AOPEP: variants seen among roughly 807,000 people sequenced by gnomAD.
AOPEP encodes aminopeptidase O (putative).
AOPEP carries 77 observed loss-of-function variants against 98.1 expected under a neutral mutation model. The observed-to-expected ratio is 0.78, with a 90% confidence interval of 0.65 to 0.95. The LOEUF is 0.95. Ranked by LOEUF, AOPEP falls within the 40% of genes least tolerant of loss-of-function variation. The pLI, the probability that AOPEP is intolerant of heterozygous loss-of-function variation, is 0.00. For synonymous variants in AOPEP, 346 were observed against 365.3 expected (o/e 0.95, Z 0.60); for missense variants, 1,024 against 1,024.7 (o/e 1.00, Z 0.01).
chr9:94,944,002 C>A (rs905886459), intron 7 of AOPEP, among the ~76,000 whole-genome samples: 2 of 149,950 alleles, frequency 1.3e-5, no homozygotes. Context: ...GGCCAATGAG[C>A]ACATAAGATA....
At chr9:95,108,690 T>G in the AOPEP span, among the ~76,000 whole-genome samples, 1 of 152,186 alleles carries the variant, frequency 6.6e-6, no homozygotes, top group East Asian at 1.9e-4. Flanking sequence ...CTATGGAAAA[T>G]TTGAAAAGAG....
At chr9:95,005,669 C>A in intron 13 of AOPEP, 53 bp downstream of exon 13, 1 of 1,413,882 alleles carries the variant, frequency 7.1e-7, no homozygotes, top group Non-Finnish European at 1.0e-6. Context: ...TCCGCTTCTG[C>A]CCCGTGAGGA....
chr9:94,800,680 C>G, intron 4 of AOPEP, 77 bp from the exon 5 acceptor site: 2 of 1,517,890 alleles, frequency 1.3e-6, no homozygotes, highest in Non-Finnish European at 1.8e-6. Flanking sequence ...TAAAAGTTGT[C>G]TACATCTGCA....
intron 3 of AOPEP, among the ~76,000 whole-genome samples, chr9:94,777,333 G>A (rs1375595644): frequency 6.6e-6 from 1 of 151,854 alleles, no homozygotes; most frequent in Non-Finnish European, 1.5e-5. Context: ...TCCGGAGGCT[G>A]AGGCAGGAGA....
At chr9:95,081,592 A>G (rs1204840509) in intron 15 of AOPEP, among the ~76,000 whole-genome samples, 5 of 152,198 alleles carry the variant, frequency 3.3e-5, no homozygotes, top group African/African-American at 1.2e-4. Context: ...AGAAAAGTAC[A>G]TGCCTTTGTA....
the AOPEP span, chr9:95,101,650 T>C: frequency 6.2e-7 from 1 of 1,608,198 alleles, no homozygotes; most frequent in Admixed American, 1.7e-5. Flanking sequence ...TCACCTGTCC[T>C]GTGGCCCTGG....
At chr9:94,892,949 T>A (rs1564334550) in intron 5 of AOPEP, among the ~76,000 whole-genome samples, 1 of 152,188 alleles carries the variant, frequency 6.6e-6, no homozygotes, top group African/African-American at 2.4e-5. Context: ...CACTTCAGCC[T>A]CCCAAAGTGC....
intron 5 of AOPEP, among the ~76,000 whole-genome samples, chr9:94,813,774 A>G (rs1851128065): frequency 6.6e-6 from 1 of 152,220 alleles, no homozygotes; most frequent in Non-Finnish European, 1.5e-5. Flanking sequence ...TGAGCTGCAG[A>G]AATGGGTTGG....
At chr9:94,874,882 G>C (rs530222702) in intron 5 of AOPEP, among the ~76,000 whole-genome samples, 1 of 152,220 alleles carries the variant, frequency 6.6e-6, no homozygotes, top group Non-Finnish European at 1.5e-5. Flanking sequence ...ATTTTAATCA[G>C]TATTTCCTTA....
the AOPEP span, among the ~76,000 whole-genome samples, chr9:95,130,297 TGTGA>T: frequency 8.8e-5 from 13 of 147,592 alleles, no homozygotes; most frequent in Admixed American, 4.7e-4. Context: ...TGTGTGTGTG[TGTGA>T]GAGAGAGAGA....
At chr9:94,842,475 C>T (rs2042386069) in intron 5 of AOPEP, among the ~76,000 whole-genome samples, 1 of 152,198 alleles carries the variant, frequency 6.6e-6, no homozygotes, top group Non-Finnish European at 1.5e-5. Flanking sequence ...GCTCTCCTTC[C>T]CCTTTCCCTC....
chr9:94,906,604 G>A (rs1387859561), intron 5 of AOPEP, among the ~76,000 whole-genome samples: 4 of 152,074 alleles, frequency 2.6e-5, no homozygotes, highest in African/African-American at 9.7e-5. Flanking sequence ...GGAGTTCAAG[G>A]TTACAGTAAA....
chr9:94,932,409 C>T (rs928380892), intron 7 of AOPEP: 12 of 321,956 alleles, frequency 3.7e-5, no homozygotes, highest in Middle Eastern at 1.5e-3. Context: ...AACAGCTTTC[C>T]ATTTGTGCCT....
chr9:94,980,410 T>G lies in AOPEP; in HGVS notation c.1977+983T>G, dbSNP rs2060112789. ...CCCTGTAGCCTGCTGGTTTCTGGTT[T>G]CATGGCTGGTTACATGAGCTTCCCC... On this transcript the variant is annotated intron_variant, in intron 11 of 16. Transcript: ENST00000375315. This position sits in a 1 kb window ranked among gnomAD's most constrained non-coding sequence, Gnocchi z 4.3. 6.6e-6 allele frequency among the ~76,000 whole-genome samples: 1 copy of G among 152,238 alleles called. No individual in the cohort carries two copies. Among genetic ancestry groups the G allele is most frequent in the South Asian group, 2.1e-4 (1 of 4,836 alleles).
At chr9:95,149,896 G>A in the AOPEP span, 1 of 1,576,528 alleles carries the variant, frequency 6.3e-7, no homozygotes, top group African/African-American at 1.3e-5. Flanking sequence ...AAACGACGCA[G>A]GATGACAGGA....
At chr9:94,894,814 A>G (rs2049284109) in intron 5 of AOPEP, among the ~76,000 whole-genome samples, 1 of 152,224 alleles carries the variant, frequency 6.6e-6, no homozygotes, top group African/African-American at 2.4e-5. Flanking sequence ...ACATAACTCA[A>G]TAACATATCA....
chr9:94,762,810 T>C (rs1838665118), intron 2 of AOPEP, among the ~76,000 whole-genome samples: 1 of 152,180 alleles, frequency 6.6e-6, no homozygotes, highest in African/African-American at 2.4e-5. Context: ...TGGTAACTGT[T>C]TGGATATGTT....
At chr9:94,904,395 A>G (rs559131003) in intron 5 of AOPEP, 2 of 152,334 alleles carry the variant, frequency 1.3e-5, no homozygotes, top group East Asian at 1.9e-4. Context: ...ACGGAGAAAC[A>G]TTACTCAGAG....
At chr9:95,148,823 C>G in the AOPEP span, among the ~76,000 whole-genome samples, 3 of 152,282 alleles carry the variant, frequency 2.0e-5, no homozygotes, top group Admixed American at 1.3e-4. Context: ...TTCCACATTG[C>G]AACTACCCTT....
Sources: gnomAD v4.1 joint callset for allele counts (sites outside exome capture counted in the v4.1 genomes callset) on GRCh38, gnomAD v4.1.1 for gene constraint, Gnocchi (gnomAD v3.1) non-coding constraint, MANE v1.5 for transcripts, NCBI Gene and HGNC (gene_info 2026-07-23, HGNC 2026-07-21) for gene names.